Variants in HMGXB4 observed in about 807,000 individuals in gnomAD.
HMGXB4 encodes the protein HMG-box containing 4.
HMGXB4 carries 27 observed loss-of-function variants against 63.9 expected under a neutral mutation model. That is an observed-to-expected ratio of 0.42 (90% CI 0.31 to 0.58). The LOEUF (loss-of-function observed/expected upper bound fraction) is 0.58. Ranked by LOEUF, HMGXB4 falls within the 20% of genes least tolerant of loss-of-function variation. The pLI, the probability that HMGXB4 is intolerant of heterozygous loss-of-function variation, is 0.13. For synonymous variants in HMGXB4, 264 were observed against 265.3 expected, an observed-to-expected ratio of 0.99 and a Z score of 0.05; for missense variants, 624 against 700.7, an observed-to-expected ratio of 0.89 and a Z score of 1.24.
chr22:35,283,743 T>C (rs764912797), intron 5 of HMGXB4, among the ~76,000 whole-genome samples: 3 of 152,104 alleles, frequency 2.0e-5, no homozygotes, highest in African/African-American at 4.8e-5. Flanking sequence ...TGAGCCAAGA[T>C]TGCGCCACTG....
chr22:35,273,120 T>A (rs1177912157), intron 5 of HMGXB4, among the ~76,000 whole-genome samples: 3 of 152,218 alleles, frequency 2.0e-5, no homozygotes, highest in Non-Finnish European at 4.4e-5. Flanking sequence ...CTTGTGATGC[T>A]GTTACATTAG....
chr22:35,274,465 G>A (rs149770864), intron 5 of HMGXB4, among the ~76,000 whole-genome samples: 5 of 152,328 alleles, frequency 3.3e-5, no homozygotes, highest in African/African-American at 1.2e-4. Context: ...AATCCTAACA[G>A]CTGTACATGT....
chr22:35,253,731 G>A (rs1922286322), upstream of HMGXB4, among the ~76,000 whole-genome samples: 1 of 152,162 alleles, frequency 6.6e-6, no homozygotes, highest in Non-Finnish European at 1.5e-5. Context: ...AGGCCCCTAG[G>A]GACTGCCAGC....
intron 5 of HMGXB4, among the ~76,000 whole-genome samples, chr22:35,275,363 A>C (rs1923849935): frequency 6.6e-6 from 1 of 151,884 alleles, no homozygotes; most frequent in Non-Finnish European, 1.5e-5. Flanking sequence ...CAGGTGATCC[A>C]CCTGCCTCGG....
chr22:35,268,939 G>A (rs558280377), intron 5 of HMGXB4, among the ~76,000 whole-genome samples: 3 of 152,182 alleles, frequency 2.0e-5, no homozygotes, highest in South Asian at 2.1e-4. Flanking sequence ...AAGACATTCT[G>A]TACACCCCTC....
At chr22:35,283,911 A>G (rs976875618) in intron 5 of HMGXB4, 51 bp from the exon 6 acceptor site, 1 of 1,360,586 alleles carries the variant, frequency 7.3e-7, no homozygotes, top group Non-Finnish European at 1.1e-6. Flanking sequence ...GGGTTACTAA[A>G]CCTGGGTTCT....
At chr22:35,248,717 T>A in the HMGXB4 span, among the ~76,000 whole-genome samples, 1 of 152,154 alleles carries the variant, frequency 6.6e-6, no homozygotes, top group South Asian at 2.1e-4. Flanking sequence ...TCCCAGACTT[T>A]TAAACAACCA....
chr22:35,267,081 T>C (rs1291476586), intron 5 of HMGXB4, among the ~76,000 whole-genome samples: 1 of 150,004 alleles, frequency 6.7e-6, no homozygotes, highest in Non-Finnish European at 1.5e-5. Context: ...TTTAAGAAAG[T>C]CTGCTTATAT....
the HMGXB4 span, among the ~76,000 whole-genome samples, chr22:35,249,986 C>G: frequency 3.1e-5 from 3 of 98,098 alleles, no homozygotes; most frequent in African/African-American, 7.8e-5. Flanking sequence ...TCAGCATGTT[C>G]CCAACCTTCC....
At chr22:35,289,940 A>G (rs1924826221) in intron 9 of HMGXB4, among the ~76,000 whole-genome samples, 1 of 152,246 alleles carries the variant, frequency 6.6e-6, no homozygotes, top group Admixed American at 6.5e-5. Context: ...TGTAAAACTA[A>G]TCACTTGCTT....
chr22:35,286,052 A>G lies in HMGXB4; in HGVS notation c.1353A>G (p.Lys451=), dbSNP rs759070055. 6.2e-6 allele frequency: 10 copies of G among 1,603,476 alleles called. No individual in the cohort carries two copies. In the East Asian group the frequency reaches 2.0e-4, roughly 32 times the overall value. Residue 451 remains lysine (K), a synonymous_variant, in exon 7 of 11, where the codon AAA becomes AAG. Coordinates refer to ENST00000216106, the MANE Select transcript of HMGXB4 (RefSeq NM_001003681.3). ...AGGTGTGGAAGCAATTACCAGAAAA[A>G]GACAAACTGGTAAGTACATTTTCTT... is the stretch of plus-strand genomic sequence containing the variant. ...LAEVWKQLPE[K]DKLIWKQKAQ... is the part of the protein sequence containing the mutation.
chr22:35,268,286 T>C (rs994290517), intron 5 of HMGXB4, among the ~76,000 whole-genome samples: 1 of 152,152 alleles, frequency 6.6e-6, no homozygotes, highest in African/African-American at 2.4e-5. Context: ...TCCAGTCTTA[T>C]CGTTCACTTT....
upstream of HMGXB4, among the ~76,000 whole-genome samples, chr22:35,256,727 C>T (rs1474398025): frequency 6.6e-6 from 1 of 152,152 alleles, no homozygotes; most frequent in Non-Finnish European, 1.5e-5. Context: ...TCTCGAACTC[C>T]TGACCTCAGG....
chr22:35,272,663 G>A (rs376110097), intron 5 of HMGXB4, among the ~76,000 whole-genome samples: 7 of 152,270 alleles, frequency 4.6e-5, no homozygotes, highest in African/African-American at 1.7e-4. Flanking sequence ...ATAGCCAGGC[G>A]TGGTGGCTCA....
intron 8 of HMGXB4, 78 bp downstream of exon 8, chr22:35,287,530 C>A: frequency 1.0e-6 from 1 of 986,022 alleles, no homozygotes; most frequent in Non-Finnish European, 1.6e-6. Context: ...GGGAAAAAAG[C>A]TTGCAGTATT....
intron 5 of HMGXB4, among the ~76,000 whole-genome samples, chr22:35,275,628 C>G (rs942537228): frequency 6.6e-6 from 1 of 152,078 alleles, no homozygotes; most frequent in Non-Finnish European, 1.5e-5. Flanking sequence ...CCTGTAATCC[C>G]AGAGTTTTGG....
At chr22:35,263,630 G>A (rs1923007582) in intron 3 of HMGXB4, among the ~76,000 whole-genome samples, 166 bp from the exon 4 acceptor site, 1 of 152,182 alleles carries the variant, frequency 6.6e-6, no homozygotes, top group Non-Finnish European at 1.5e-5. Context: ...GAAGAAGGAA[G>A]TATTTTTTAA....
chr22:35,281,574 C>T (rs998251120), intron 5 of HMGXB4, among the ~76,000 whole-genome samples: 5 of 152,204 alleles, frequency 3.3e-5, no homozygotes, highest in African/African-American at 2.4e-5. Flanking sequence ...TTTGAGAAAA[C>T]GTTGTTAAAC....
At chr22:35,279,354 G>T (rs1924107790) in intron 5 of HMGXB4, among the ~76,000 whole-genome samples, 2 of 151,878 alleles carry the variant, frequency 1.3e-5, no homozygotes, top group South Asian at 2.1e-4. Flanking sequence ...CTCCATGTTG[G>T]TCTCGAACTC....
Sources: allele counts gnomAD v4.1 joint callset (sites outside exome capture counted in the v4.1 genomes callset), GRCh38; gene constraint gnomAD v4.1.1; transcripts MANE v1.5; gene names NCBI Gene and HGNC (gene_info 2026-07-23, HGNC 2026-07-21).